Variants in CTNND2 observed in about 807,000 individuals in gnomAD.
CTNND2 encodes the protein catenin delta 2.
A neutral mutation model predicts 144.4 loss-of-function variants in CTNND2; 22 were observed. The observed-to-expected ratio is 0.15, with a 90% CI of 0.11 to 0.22. The LOEUF (loss-of-function observed/expected upper bound fraction) is 0.22, where lower values mean the gene tolerates loss of function less well. Among genes scored for constraint, CTNND2 ranks in the 10% least tolerant of loss-of-function variants. The pLI is 1.00. For synonymous variants in CTNND2, 751 were observed against 695.6 expected (o/e 1.08, Z -1.25); for missense variants, 1,353 against 1,618.8 (o/e 0.84, Z 2.82).
At chr5:11,686,800 AT>A (rs1453300573) in intron 2 of CTNND2, among the ~76,000 whole-genome samples, 1 of 148,370 alleles carries the variant, frequency 6.7e-6, no homozygotes, top group Non-Finnish European at 1.5e-5. Flanking sequence ...AATACACATA[AT>A]ATAAATATAT....
intron 10 of CTNND2, among the ~76,000 whole-genome samples, chr5:11,230,940 T>C (rs1200331119): frequency 6.9e-6 from 1 of 144,806 alleles, no homozygotes; most frequent in Non-Finnish European, 1.5e-5. Flanking sequence ...ACCTCACTGC[T>C]GGGAGGGTGA....
intron 10 of CTNND2, among the ~76,000 whole-genome samples, chr5:11,207,016 G>T (rs1483542578): frequency 6.6e-6 from 1 of 152,122 alleles, no homozygotes; most frequent in East Asian, 1.9e-4. Flanking sequence ...TGTTTCATAA[G>T]AATACATGCT....
chr5:11,285,952 T>A (rs1262763969), intron 9 of CTNND2, among the ~76,000 whole-genome samples: 1 of 65,770 alleles, frequency 1.5e-5, no homozygotes, highest in Non-Finnish European at 3.6e-5. Context: ...TGGATGCAGA[T>A]CAATAATGAT....
chr5:11,144,692 G>A (rs548451765), intron 12 of CTNND2, among the ~76,000 whole-genome samples: 5 of 152,204 alleles, frequency 3.3e-5, no homozygotes, highest in African/African-American at 9.6e-5. Flanking sequence ...TTTCTCTCAA[G>A]GGACCGCCGT....
chr5:11,355,867 A>T (rs1755816693), intron 8 of CTNND2, among the ~76,000 whole-genome samples: 1 of 152,126 alleles, frequency 6.6e-6, no homozygotes, highest in South Asian at 2.1e-4. Context: ...CAACACACAA[A>T]AATCTGTAGC....
At chr5:11,800,359 CAT>C (rs1791612413) in intron 1 of CTNND2, among the ~76,000 whole-genome samples, 1 of 152,064 alleles carries the variant, frequency 6.6e-6, no homozygotes, top group African/African-American at 2.4e-5. Flanking sequence ...AGCTTGAAGA[CAT>C]AGAATACCTG....
At chr5:11,791,624 T>C (rs780590778) in intron 1 of CTNND2, among the ~76,000 whole-genome samples, 13 of 152,340 alleles carry the variant, frequency 8.5e-5, no homozygotes, top group Non-Finnish European at 1.0e-4. Flanking sequence ...AACGTTGCCA[T>C]AGAAACACAA....
chr5:11,109,416 T>C (rs1174260944), intron 14 of CTNND2, among the ~76,000 whole-genome samples: 1 of 152,194 alleles, frequency 6.6e-6, no homozygotes, highest in South Asian at 2.1e-4. Context: ...ATTTTTCTTA[T>C]AGCTAAATTT....
chr5:11,344,482 T>G (rs887491727), intron 9 of CTNND2, among the ~76,000 whole-genome samples: 1 of 152,224 alleles, frequency 6.6e-6, no homozygotes, highest in Non-Finnish European at 1.5e-5. Flanking sequence ...GCTCCATACA[T>G]TTTGCATGAT....
chr5:11,760,372 G>C (rs1789190812), intron 1 of CTNND2, among the ~76,000 whole-genome samples: 1 of 152,162 alleles, frequency 6.6e-6, no homozygotes, highest in Admixed American at 6.6e-5. Context: ...CTATTACCAG[G>C]AGCTAGTTGT....
chr5:11,287,503 A>C (rs1747874886), intron 9 of CTNND2, among the ~76,000 whole-genome samples: 1 of 152,208 alleles, frequency 6.6e-6, no homozygotes, highest in African/African-American at 2.4e-5. Flanking sequence ...GAGAACACTG[A>C]GTAATACAGA....
At chr5:11,083,821 A>C (rs1291365598) in intron 15 of CTNND2, 143 of 699,790 alleles carry the variant, frequency 2.0e-4, no homozygotes, top group Non-Finnish European at 2.3e-4. Flanking sequence ...CAGTCCCCCC[A>C]CCAGGCCACC....
chr5:11,003,274 G>A (rs1740145573), intron 18 of CTNND2, among the ~76,000 whole-genome samples: 1 of 152,132 alleles, frequency 6.6e-6, no homozygotes, highest in Admixed American at 6.5e-5. Flanking sequence ...GCACCAGCCT[G>A]TAACACTCAG....
At chr5:11,380,776 C>T (rs1426252656) in intron 7 of CTNND2, among the ~76,000 whole-genome samples, 1 of 152,156 alleles carries the variant, frequency 6.6e-6, no homozygotes, top group African/African-American at 2.4e-5. Context: ...TGTGTGTTGC[C>T]TTACCAAGTG....
chr5:11,613,159 A>C (rs906326011), intron 2 of CTNND2, among the ~76,000 whole-genome samples: 3 of 152,168 alleles, frequency 2.0e-5, no homozygotes, highest in Non-Finnish European at 4.4e-5. Context: ...CTTCTTAATC[A>C]AAATCCATTT....
chr5:11,301,574 C>G (rs527813554), intron 9 of CTNND2, among the ~76,000 whole-genome samples: 24 of 152,248 alleles, frequency 1.6e-4, no homozygotes, highest in African/African-American at 5.8e-4. Context: ...CAATGACCCC[C>G]AAAATATCAA....
chr5:11,148,075 G>T (rs901762198), intron 12 of CTNND2, among the ~76,000 whole-genome samples: 1 of 152,222 alleles, frequency 6.6e-6, no homozygotes, highest in African/African-American at 2.4e-5. Context: ...AGTCATAAAA[G>T]TCATCTATTG....
intron 1 of CTNND2, among the ~76,000 whole-genome samples, chr5:11,766,593 C>T (rs1339025373): frequency 1.3e-5 from 2 of 152,164 alleles, no homozygotes; most frequent in African/African-American, 4.8e-5. Context: ...GTCCACTAAA[C>T]CTCTTTCTTT....
At chr5:11,295,644 A>G (rs568695805) in intron 9 of CTNND2, among the ~76,000 whole-genome samples, 1 of 152,308 alleles carries the variant, frequency 6.6e-6, no homozygotes, top group African/African-American at 2.4e-5. Flanking sequence ...GATATAGACA[A>G]ATGGAACAGA....
Sources: gnomAD v4.1 joint callset for allele counts (sites outside exome capture counted in the v4.1 genomes callset) on GRCh38, gnomAD v4.1.1 for gene constraint, MANE v1.5 for transcripts, NCBI Gene and HGNC (gene_info 2026-07-23, HGNC 2026-07-21) for gene names.